Variants in SYT2 observed in about 807,000 individuals in gnomAD.
SYT2 encodes synaptotagmin-2.
Under a neutral mutation model 39.9 loss-of-function variants are expected in SYT2, and 15 were observed. The observed-to-expected ratio is 0.38, with a 90% CI of 0.25 to 0.58. The LOEUF (loss-of-function observed/expected upper bound fraction) is 0.58, where lower values mean the gene tolerates loss of function less well. SYT2 is among the 20% of genes least tolerant of loss of function. The pLI is 0.70. For missense variants in SYT2, 389 were observed against 530.3 expected, an observed-to-expected ratio of 0.73 and a Z score of 2.62; for synonymous variants, 181 against 204.5, an observed-to-expected ratio of 0.89 and a Z score of 0.98.
At chr1:202,646,978 G>A (rs1193276513) in intron 1 of SYT2, among the ~76,000 whole-genome samples, 6 of 152,172 alleles carry the variant, frequency 3.9e-5, no homozygotes, top group South Asian at 2.1e-4. Flanking sequence ...CAGGTCTGCC[G>A]TCCAAGCACA....
At chr1:202,650,380 C>A (rs1374710256) in intron 1 of SYT2, among the ~76,000 whole-genome samples, 1 of 151,832 alleles carries the variant, frequency 6.6e-6, no homozygotes, top group Non-Finnish European at 1.5e-5. Flanking sequence ...CCTACGTGTA[C>A]GTCTCTTCCA....
chr1:202,618,122 G>A lies in SYT2; in HGVS notation c.-17-12333C>T, dbSNP rs151180480. On this transcript the variant is annotated intron_variant, in intron 1 of 8. Transcript: ENST00000367268. ...TCACCATGTTGGCCAGGCTGGTCTCGAACTCCTGACCTCAAGTAATCTGCC... is the reference window on the plus strand; with the variant it reads ...TCACCATGTTGGCCAGGCTGGTCTCAAACTCCTGACCTCAAGTAATCTGCC... Among the ~76,000 whole-genome samples the A allele has an allele frequency of 8.3e-3, 1,268 of 152,116 alleles. 14 individuals are homozygous for A. The highest frequency in any genetic ancestry group is 0.029 in the African/African-American group (1,187 of 41,502).
At chr1:202,650,153 T>C (rs1692163848) in intron 1 of SYT2, among the ~76,000 whole-genome samples, 1 of 152,120 alleles carries the variant, frequency 6.6e-6, no homozygotes, top group Non-Finnish European at 1.5e-5. Context: ...TCCCAGAGAA[T>C]CCAAGAAGCC....
chr1:202,654,874 G>A (rs1168193809), intron 1 of SYT2, among the ~76,000 whole-genome samples: 1 of 152,174 alleles, frequency 6.6e-6, no homozygotes, highest in Non-Finnish European at 1.5e-5. Flanking sequence ...GGTGAGAGAT[G>A]CTAATGGCTG....
chr1:202,689,005 G>A (rs994404458), intron 1 of SYT2, among the ~76,000 whole-genome samples: 1 of 152,094 alleles, frequency 6.6e-6, no homozygotes, highest in Admixed American at 6.6e-5. Flanking sequence ...CAGCTCCAAC[G>A]GGCCAGCCTC....
chr1:202,624,203 A>ATGTATGTGTAGGATGTGTGTGC, intron 1 of SYT2, among the ~76,000 whole-genome samples: 1 of 150,612 alleles, frequency 6.6e-6, no homozygotes, highest in South Asian at 2.1e-4. Flanking sequence ...ATGTGGTGGT[A>ATGTATGTGTAGGATGTGTGTGC]TGTATGTGTA....
At position 202,601,157 on chromosome 1, in the gene SYT2, C is replaced by T. The variant is rs1690491894; in HGVS notation, c.802-683G>A. On this transcript the variant is annotated intron_variant, in intron 6 of 8. Coordinates refer to ENST00000367268, the MANE Select transcript of SYT2 (RefSeq NM_177402.5). The surrounding 1 kb of genome is among the most constrained non-coding windows in gnomAD (Gnocchi z 4.0). ...GTAGGCAGGCTGAGGACCCAGGGCT[C>T]CTAATTCCTAAGGCCAACACCACAC... Among the ~76,000 whole-genome samples, 1 of 152,178 alleles carries T rather than the reference C, an allele frequency of 6.6e-6. No individual in the cohort carries two copies. The highest frequency in any genetic ancestry group is 1.5e-5 in the Non-Finnish European group (1 of 68,022).
intron 1 of SYT2, among the ~76,000 whole-genome samples, chr1:202,690,034 C>G (rs141395967): frequency 6.8e-4 from 104 of 152,216 alleles, no homozygotes; most frequent in Admixed American, 1.8e-3. Context: ...CCATTAGTCA[C>G]CATCAATTAT....
intron 1 of SYT2, among the ~76,000 whole-genome samples, chr1:202,633,813 GGAA>G (rs1225505764): frequency 6.6e-6 from 1 of 152,178 alleles, no homozygotes; most frequent in East Asian, 1.9e-4. Context: ...TATGTATTGG[GGAA>G]ATTTAACTGA....
At chr1:202,663,841 T>C (rs923563795) in intron 1 of SYT2, among the ~76,000 whole-genome samples, 1 of 152,192 alleles carries the variant, frequency 6.6e-6, no homozygotes, top group Non-Finnish European at 1.5e-5. Context: ...CTGGCTGCTC[T>C]GTCTACTGGG....
In SYT2 at chr1:202,675,517, G is replaced by T. The variant is rs149806887; in HGVS notation, c.-18+34741C>A. ...CAGCAAAGTCTTTCCCAAGGGGCTG[G>T]AGTCACTCTGAGATCTTCAGGGACT... On this transcript the variant is annotated intron_variant, in intron 1 of 8. Coordinates refer to ENST00000367268, the MANE Select transcript of SYT2 (RefSeq NM_177402.5). 1.5e-3 allele frequency among the ~76,000 whole-genome samples: 228 copies of T among 152,210 alleles called. 2 individuals are homozygous for T. In the East Asian group the frequency reaches 0.042, roughly 28 times the overall value.
intron 1 of SYT2, among the ~76,000 whole-genome samples, chr1:202,606,978 C>T (rs1690727742): frequency 6.6e-6 from 1 of 152,104 alleles, no homozygotes; most frequent in East Asian, 1.9e-4. Context: ...TAATATCCTA[C>T]TATATGGTAA....
intron 4 of SYT2, 82 bp from the exon 5 acceptor site, chr1:202,602,627 A>G: frequency 7.1e-7 from 1 of 1,409,786 alleles, no homozygotes; most frequent in Non-Finnish European, 9.6e-7. Flanking sequence ...AGCACCCACC[A>G]ATTCCGTCCC....
intron 1 of SYT2, among the ~76,000 whole-genome samples, chr1:202,642,852 G>A (rs182678933): frequency 7.2e-5 from 11 of 152,294 alleles, no homozygotes; most frequent in Admixed American, 6.5e-4. Flanking sequence ...GCACCTCCCC[G>A]CGCCCTTCCC....
intron 1 of SYT2, among the ~76,000 whole-genome samples, chr1:202,648,534 G>A (rs1177112666): frequency 1.3e-5 from 2 of 152,184 alleles, no homozygotes; most frequent in Non-Finnish European, 2.9e-5. Context: ...TGGTTATTTA[G>A]TGCCTGCTAT....
intron 1 of SYT2, among the ~76,000 whole-genome samples, chr1:202,649,459 T>C (rs2149101368): frequency 6.6e-6 from 1 of 152,358 alleles, no homozygotes; most frequent in Non-Finnish European, 1.5e-5. Context: ...TTCACATGAA[T>C]TTATTTACTT....
At chr1:202,644,318 C>A (rs1692027616) in intron 1 of SYT2, among the ~76,000 whole-genome samples, 1 of 152,134 alleles carries the variant, frequency 6.6e-6, no homozygotes, top group South Asian at 2.1e-4. Context: ...GACCCGACAC[C>A]TCCCACCTCC....
At position 202,691,149 on chromosome 1, in the gene SYT2, C is replaced by A. The variant is rs181751494; in HGVS notation, c.-18+19109G>T. Among the ~76,000 whole-genome samples, 9 of 152,268 alleles carry A rather than the reference C, an allele frequency of 5.9e-5. No homozygotes were observed. The South Asian group carries it at 1.9e-3, about 32-fold the overall frequency. On this transcript the variant is annotated intron_variant, in intron 1 of 8. Transcript: ENST00000367268. ...GCTTCTTTCTGAAAGGGGAGATAGG[C>A]GGTAACCTAAATATTGCCTGAAATT... is the stretch of plus-strand genomic sequence containing the variant.
At chr1:202,631,472 G>A (rs1289467761) in intron 1 of SYT2, among the ~76,000 whole-genome samples, 2 of 152,022 alleles carry the variant, frequency 1.3e-5, no homozygotes, top group Admixed American at 6.6e-5. Context: ...GCAGCTTCTT[G>A]GCTCTTCCCA....
Sources: allele counts gnomAD v4.1 joint callset (sites outside exome capture counted in the v4.1 genomes callset), GRCh38; gene constraint gnomAD v4.1.1; non-coding constraint Gnocchi (gnomAD v3.1); transcripts MANE v1.5; gene names NCBI Gene and HGNC (gene_info 2026-07-23, HGNC 2026-07-21).